FLCN: variants seen among roughly 807,000 people sequenced by gnomAD.
FLCN encodes the protein BHD skin lesion fibrofolliculoma protein.
FLCN carries 22 observed loss-of-function variants against 62.5 expected under a neutral mutation model. The observed-to-expected ratio is 0.35, with a 90% CI of 0.25 to 0.50. The LOEUF (loss-of-function observed/expected upper bound fraction) is 0.50. Ranked by LOEUF, FLCN falls within the 20% of genes least tolerant of loss-of-function variation. The pLI is 0.97. For missense variants in FLCN, 657 were observed against 778.0 expected (o/e 0.84, Z 1.85); for synonymous variants, 319 against 310.0 (o/e 1.03, Z -0.30).
At chr17:17,227,810 C>T (rs189484136) in intron 4 of FLCN, 79 bp downstream of exon 4, 7 of 1,604,288 alleles carry the variant, frequency 4.4e-6, no homozygotes, top group East Asian at 4.5e-5. Context: ...CGGGAGGCCC[C>T]GTCCACTGCT....
chr17:17,236,832 C>G (rs188109283), intron 1 of FLCN, 80 bp downstream of exon 1: 1 of 152,358 alleles, frequency 6.6e-6, no homozygotes. Flanking sequence ...TGGCCCTAAA[C>G]CCTCCCCCAT....
At position 17,224,030 on chromosome 17, in the gene FLCN, G is replaced by T. The variant is rs1567819834; in HGVS notation, c.510C>A (p.Tyr170Ter). ...GGTCCATCATGATGGTGATGATGCTGTACCAGCGCTGGAAGCCCCTGGCCA... is the reference window on the plus strand; with the variant it reads ...GGTCCATCATGATGGTGATGATGCTTTACCAGCGCTGGAAGCCCCTGGCCA... Reference protein sequence around the residue: ...DSLARGFQRWYSIITIMMDRI... With the variant: ...DSLARGFQRW Residue 170 changes from tyrosine to a stop codon, truncating the protein, a stop_gained, in exon 6 of 14, where the codon TAC becomes TAA. Transcript: ENST00000285071. LOFTEE classifies it high-confidence loss of function. The T allele has an allele frequency of 6.2e-7, 1 of 1,613,860 alleles. No individual in the cohort carries two copies. The highest frequency in any genetic ancestry group is 8.5e-7 in the Non-Finnish European group (1 of 1,180,040).
rs7224335 is a variant in FLCN at position 17,213,230 on chromosome 17, C to T, written c.*425G>A. 19,365 of 392,042 alleles carry T rather than the reference C, an allele frequency of 0.049. 2,635 individuals carry two copies. The highest frequency in any genetic ancestry group is 0.31 in the African/African-American group (15,818 of 50,242). 24.3% of individuals were successfully genotyped at this position (392,042 alleles called of 1,614,324 possible). On this transcript the variant is annotated 3_prime_UTR_variant, in exon 14 of 14. Coordinates refer to ENST00000285071, the MANE Select transcript of FLCN (RefSeq NM_144997.7). ...CAAAAGGTACCCTCAAACATAAGGCCCAGAAACTCTTGCTGAATTTCAAAG... is the reference window on the plus strand; with the variant it reads ...CAAAAGGTACCCTCAAACATAAGGCTCAGAAACTCTTGCTGAATTTCAAAG...
Position 17,216,442 on chromosome 17 carries a change from T to C in FLCN, c.1238A>G (p.Tyr413Cys), listed in dbSNP as rs1567809610. The part of the protein sequence containing the change: ...IPYSSQYEEA[Y>C]RCNFLGLSPH... ...GCTGAGCCCCAGGAAGTTGCACCGA[T>C]AGGCCTCCTCGTACTGGCTGCTGTA... is the stretch of plus-strand genomic sequence containing the variant. Residue 413 changes from tyrosine (Y) to cysteine (C), a missense_variant, in exon 11 of 14, where the codon TAT becomes TGT. Tyr to Cys is a radical substitution (Grantham distance 194). Transcript: ENST00000285071. The surrounding 1 kb of genome is among the most constrained non-coding windows in gnomAD (Gnocchi z 4.0). 6.2e-7 allele frequency: 1 copy of C among 1,613,860 alleles called. No homozygotes were observed. Among genetic ancestry groups the C allele is most frequent in the Non-Finnish European group, 8.5e-7 (1 of 1,179,868 alleles).
rs1012564617 is a variant in FLCN, at chr17:17,213,393, C to T, written c.*262G>A. 1.4e-5 allele frequency: 8 copies of T among 578,542 alleles called. No individual in the cohort carries two copies. The highest frequency in any genetic ancestry group is 1.2e-4 in the Admixed American group (4 of 34,164). 35.8% of individuals were successfully genotyped at this position (578,542 alleles called of 1,614,324 possible). On this transcript the variant is annotated 3_prime_UTR_variant, in exon 14 of 14. Transcript: ENST00000285071. ...GCAAGCTGTCCTCCTAGTCGTCTCT[C>T]CAAGGAGTTTGAACACAGAGAGAGC...
At chr17:17,222,904 T>C in intron 6 of FLCN, 9 of 539,898 alleles carry the variant, frequency 1.7e-5, no homozygotes, top group South Asian at 1.7e-4. Flanking sequence ...CCCTTCCTAA[T>C]GAGTGACCCA....
intron 5 of FLCN, 144 bp downstream of exon 5, chr17:17,226,032 A>T: frequency 8.6e-7 from 1 of 1,162,902 alleles, no homozygotes; most frequent in Non-Finnish European, 1.3e-6. Flanking sequence ...GGCGTCCTGT[A>T]CCCTGTGCTG....
Position 17,215,013 on chromosome 17 carries a change from G to A in FLCN, c.1510C>T (p.Leu504Phe), listed in dbSNP as rs1045022900. The A allele has an allele frequency of 1.2e-6, 2 of 1,614,046 alleles. No individual in the cohort carries two copies. Among genetic ancestry groups the A allele is most frequent in the East Asian group, 4.5e-5 (2 of 44,892 alleles). The part of the protein sequence containing the change: ...NLSVDVVDQC[L>F]VCLKEEWMNK... ...ATCCACTCCTCCTTGAGGCAGACGA[G>A]GCACTGGTCCACCACATCCACAGAC... Residue 504 changes from leucine to phenylalanine, a missense_variant, in exon 13 of 14, where the codon CTC becomes TTC. Transcript: ENST00000285071.
chr17:17,221,468 A>C (rs1395631107), intron 8 of FLCN, 69 bp downstream of exon 8: 6 of 1,613,896 alleles, frequency 3.7e-6, no homozygotes, highest in Non-Finnish European at 5.1e-6. Flanking sequence ...TCCTGCCAGG[A>C]GAGCAGACAG....
intron 13 of FLCN, 114 bp from the exon 14 acceptor site, chr17:17,213,970 G>C (rs1489480676): frequency 3.5e-6 from 4 of 1,153,750 alleles, no homozygotes; most frequent in Non-Finnish European, 5.1e-6. Context: ...TGTGCAGGCA[G>C]AGCTGGAATC....
intron 9 of FLCN, among the ~76,000 whole-genome samples, chr17:17,218,386 C>CAT (rs1555608326): frequency 7.7e-6 from 1 of 129,968 alleles, no homozygotes; most frequent in Non-Finnish European, 1.6e-5. Flanking sequence ...CCATCACTTT[C>CAT]TTTTTTTTTT....
At chr17:17,222,346 G>C (rs986806329) in intron 7 of FLCN, among the ~76,000 whole-genome samples, 155 bp downstream of exon 7, 1 of 152,146 alleles carries the variant, frequency 6.6e-6, no homozygotes, top group Non-Finnish European at 1.5e-5. Context: ...GCCCAGATCT[G>C]TGCTCACTGA....
intron 9 of FLCN, among the ~76,000 whole-genome samples, chr17:17,217,948 TTCA>T (rs1181106345): frequency 1.3e-5 from 2 of 152,108 alleles, no homozygotes; most frequent in Non-Finnish European, 2.9e-5. Context: ...CCTTCCAACC[TTCA>T]TCAACATAAG....
intron 4 of FLCN, 36 bp from the exon 5 acceptor site, chr17:17,226,358 G>A (rs1329123718): frequency 6.8e-6 from 11 of 1,613,534 alleles, no homozygotes; most frequent in African/African-American, 1.3e-5. Flanking sequence ...CTGTTAGTTG[G>A]GAAGCAGGGC....
chr17:17,233,716 CTTTTTTTTTT>C (rs34208211), intron 1 of FLCN, among the ~76,000 whole-genome samples: 1 of 63,930 alleles, frequency 1.6e-5, no homozygotes, highest in African/African-American at 6.2e-5. Flanking sequence ...CCCATCTTTC[CTTTTTTTTTT>C]TTTTTTTTTT....
chr17:17,217,377 C>A (rs1021614433), intron 9 of FLCN, 195 bp from the exon 10 acceptor site: 1 of 618,712 alleles, frequency 1.6e-6, no homozygotes, highest in Non-Finnish European at 2.9e-6. Context: ...CAGGTTTGCA[C>A]ATAAATGCTA....
chr17:17,226,375 C>T, intron 4 of FLCN, 53 bp from the exon 5 acceptor site: 1 of 1,610,048 alleles, frequency 6.2e-7, no homozygotes, highest in Non-Finnish European at 8.5e-7. Context: ...GGGCGACAAA[C>T]TCTCTTAGGT....
chr17:17,219,294 G>T, intron 8 of FLCN, 85 bp from the exon 9 acceptor site: 2 of 1,467,136 alleles, frequency 1.4e-6, no homozygotes. Context: ...GGGCTGAGCC[G>T]GTCAGTGTAG....
intron 5 of FLCN, 122 bp downstream of exon 5, chr17:17,226,054 G>A (rs544733884): frequency 1.9e-5 from 26 of 1,374,224 alleles, no homozygotes; most frequent in African/African-American, 1.1e-4. Flanking sequence ...GCTGATCTGC[G>A]GGTCCGCCCT....
Sources: allele counts gnomAD v4.1 joint callset (sites outside exome capture counted in the v4.1 genomes callset), GRCh38; gene constraint gnomAD v4.1.1; non-coding constraint Gnocchi (gnomAD v3.1); transcripts MANE v1.5; gene names NCBI Gene and HGNC (gene_info 2026-07-23, HGNC 2026-07-21).